Variants in EFR3A observed in about 807,000 individuals in gnomAD.
EFR3A encodes the protein protein EFR3 homolog A.
A neutral mutation model predicts 104.4 loss-of-function variants in EFR3A; 76 were observed. The observed-to-expected ratio is 0.73, with a 90% CI of 0.60 to 0.88. The LOEUF is 0.88. Among genes scored for constraint, EFR3A ranks in the 40% least tolerant of loss-of-function variants. EFR3A has a pLI of 0.00. For missense variants in EFR3A, 985 were observed against 1,012.5 expected (o/e 0.97, Z 0.37); for synonymous variants, 330 against 330.0 (o/e 1.00, Z 0.00).
intron 14 of EFR3A, among the ~76,000 whole-genome samples, chr8:131,981,829 A>G (rs543124992): frequency 3.2e-4 from 49 of 151,140 alleles, no homozygotes; most frequent in African/African-American, 1.1e-3. Context: ...CAGGGCTGGA[A>G]CCCCTTATAC....
chr8:131,997,267 T>C (rs1821543364), intron 19 of EFR3A, among the ~76,000 whole-genome samples: 1 of 152,134 alleles, frequency 6.6e-6, no homozygotes, highest in Non-Finnish European at 1.5e-5. Context: ...AAGTATTTTA[T>C]TATTTCTCAT....
intron 1 of EFR3A, among the ~76,000 whole-genome samples, chr8:131,914,630 C>G (rs1399037765): frequency 6.6e-6 from 1 of 152,006 alleles, no homozygotes; most frequent in Non-Finnish European, 1.5e-5. Flanking sequence ...TCAGCTGGAG[C>G]AGCTCTGTTT....
chr8:131,976,244 T>G, intron 11 of EFR3A, 103 bp downstream of exon 11: 2 of 750,378 alleles, frequency 2.7e-6, no homozygotes, highest in Non-Finnish European at 2.2e-6. Context: ...AAATCATTAG[T>G]AATAGCATTC....
At position 132,010,799 on chromosome 8, in the gene EFR3A, C is replaced by A. The variant is rs1423292791; in HGVS notation, c.2370C>A (p.Pro790=). Residue 790 remains proline (P), a synonymous_variant, in exon 23 of 23, where the codon CCC becomes CCA. Transcript: ENST00000254624. ...TTTTGTTCTTTTATAGTCCTCCTCC[C>A]AGTCCATCAGGAACACTGACCATTA... ...QILELTIRPP[P]SPSGTLTITS... is the part of the protein sequence containing the mutation. 7.4e-6 allele frequency: 12 copies of A among 1,612,094 alleles called. No individual in the cohort carries two copies. The highest frequency in any genetic ancestry group is 1.0e-5 in the Non-Finnish European group (12 of 1,178,668).
chr8:131,947,757 G>A (rs928919084), intron 4 of EFR3A, among the ~76,000 whole-genome samples: 7 of 151,970 alleles, frequency 4.6e-5, no homozygotes, highest in Non-Finnish European at 7.4e-5. Flanking sequence ...TCCACATTTT[G>A]CATGTGGATA....
chr8:131,984,277 A>G lies in EFR3A; in HGVS notation c.1714A>G (p.Ile572Val), dbSNP rs1187981307. The part of the protein sequence containing the change: ...LANEEVVIDL[I>V]RLAIALQDSA... Reference sequence around the variant, plus strand: ...TAATGAAGAAGTAGTTATTGATCTCATTCGACTGGCCATTGCTTTACAGGT... The same window carrying G: ...TAATGAAGAAGTAGTTATTGATCTCGTTCGACTGGCCATTGCTTTACAGGT... Residue 572 changes from isoleucine to valine, a missense_variant, in exon 15 of 23, where the codon ATT (isoleucine) becomes GTT (valine). Ile to Val is a conservative substitution (Grantham distance 29, BLOSUM62 3). Transcript: ENST00000254624. 4 of 1,599,038 alleles carry G rather than the reference A, an allele frequency of 2.5e-6. No homozygotes were observed. In the African/African-American group the frequency reaches 5.4e-5, roughly 22 times the overall value.
At chr8:132,008,086 A>G (rs766581685) in intron 22 of EFR3A, among the ~76,000 whole-genome samples, 4 of 152,070 alleles carry the variant, frequency 2.6e-5, no homozygotes, top group Non-Finnish European at 5.9e-5. Context: ...AAATTGGTAA[A>G]TTGGTCTTCA....
chr8:131,969,834 G>C (rs143436861), intron 9 of EFR3A, among the ~76,000 whole-genome samples: 1 of 152,112 alleles, frequency 6.6e-6, no homozygotes, highest in Non-Finnish European at 1.5e-5. Flanking sequence ...GGCTCTATAC[G>C]TTTGAAGAGG....
At chr8:131,971,460 G>A (rs4736525) in intron 10 of EFR3A, among the ~76,000 whole-genome samples, 61,206 of 151,896 alleles carry the variant, frequency 0.4, 12,877 homozygotes, top group Middle Eastern at 0.54. Context: ...AGGCTGAGGC[G>A]GGCGGATCAC....
intron 10 of EFR3A, among the ~76,000 whole-genome samples, chr8:131,970,863 T>C (rs1037672310): frequency 1.3e-5 from 2 of 152,192 alleles, no homozygotes; most frequent in African/African-American, 4.8e-5. Flanking sequence ...TGTTGACATT[T>C]TATGGCATTT....
At chr8:131,940,207 C>T in intron 1 of EFR3A, 1 of 324,390 alleles carries the variant, frequency 3.1e-6, no homozygotes, top group Admixed American at 4.2e-5. Flanking sequence ...GGGCAGATGA[C>T]ATCAGAAAGG....
intron 1 of EFR3A, among the ~76,000 whole-genome samples, chr8:131,929,178 C>CT (rs1817457595): frequency 6.6e-6 from 1 of 152,152 alleles, no homozygotes. Flanking sequence ...TGATATCCTC[C>CT]TTTTACCCCA....
rs745670232 is a variant in EFR3A, at chr8:132,003,217, AT to A, written c.2311-12del. On this transcript the variant is annotated intron_variant, in intron 21 of 22. Coordinates refer to ENST00000254624, the MANE Select transcript of EFR3A (RefSeq NM_015137.6). The stretch of plus-strand genomic sequence containing the variant: ...ACCTAGAAAATAAACCATTCTTAAC[AT>A]TTTTTTCTTTTTTGCAGGCAAATTT... The A allele has an allele frequency of 1.2e-6, 2 of 1,605,802 alleles. No homozygotes were observed. Among genetic ancestry groups the A allele is most frequent in the Non-Finnish European group, 1.7e-6 (2 of 1,173,494 alleles).
At chr8:132,002,230 T>C (rs966249844) in intron 20 of EFR3A, among the ~76,000 whole-genome samples, 1 of 152,154 alleles carries the variant, frequency 6.6e-6, no homozygotes. Flanking sequence ...ATATTTTATG[T>C]AGTACCTCGT....
intron 1 of EFR3A, among the ~76,000 whole-genome samples, chr8:131,912,308 A>G (rs1218255807): frequency 6.6e-6 from 1 of 152,214 alleles, no homozygotes; most frequent in Non-Finnish European, 1.5e-5. Flanking sequence ...GATAGAAACC[A>G]TGGCTAACAG....
At chr8:131,983,173 G>C (rs1454902226) in intron 14 of EFR3A, among the ~76,000 whole-genome samples, 6 of 152,178 alleles carry the variant, frequency 3.9e-5, no homozygotes, top group Admixed American at 1.3e-4. Context: ...TGAGAAACAG[G>C]CTTGGAATAT....
At chr8:131,933,684 A>T (rs1489920607) in intron 1 of EFR3A, among the ~76,000 whole-genome samples, 1 of 152,122 alleles carries the variant, frequency 6.6e-6, no homozygotes, top group Non-Finnish European at 1.5e-5. Context: ...AGTCTACAAC[A>T]TGATTACTAA....
rs1287860509 is a variant in EFR3A at position 131,976,107 on chromosome 8, A to G, written c.1240A>G (p.Thr414Ala). The G allele has an allele frequency of 6.2e-7, 1 of 1,602,592 alleles. No individual in the cohort carries two copies. Among genetic ancestry groups the G allele is most frequent in the Non-Finnish European group, 8.5e-7 (1 of 1,173,424 alleles). The change falls in exon 11 of 23, where the codon ACA (threonine) becomes GCA (alanine). Residue 414 changes from threonine to alanine, a missense_variant. By Grantham distance (58) the Thr-to-Ala change is moderately conservative. Coordinates refer to ENST00000254624, the MANE Select transcript of EFR3A (RefSeq NM_015137.6). ...TATGGGGAAAGTACCTGTCTTTGGA[A>G]CATCTACCCATACTTTGGATATCAG... ...FIMGKVPVFGTSTHTLDISQL... is the reference protein window; with the variant it reads ...FIMGKVPVFGASTHTLDISQL...
Position 131,985,027 on chromosome 8 carries a change from A to G in EFR3A, c.1836A>G (p.Ile612Met). Reference protein sequence around the residue: ...AAYLNFVSQMIAVPAFCQHVS... With the variant: ...AAYLNFVSQMMAVPAFCQHVS... ...ACCTCAACTTTGTAAGTCAGATGAT[A>G]GCTGTCCCTGCATTTTGCCAGCATG... The change falls in exon 16 of 23, where the codon ATA becomes ATG. Residue 612 changes from isoleucine to methionine, a missense_variant. Ile to Met is a conservative substitution (Grantham distance 10). Transcript: ENST00000254624. 6.2e-7 allele frequency: 1 copy of G among 1,613,660 alleles called. No homozygotes were observed. The highest frequency in any genetic ancestry group is 8.5e-7 in the Non-Finnish European group (1 of 1,179,630).
Sources: allele counts gnomAD v4.1 joint callset (sites outside exome capture counted in the v4.1 genomes callset), GRCh38; gene constraint gnomAD v4.1.1; transcripts MANE v1.5; gene names NCBI Gene and HGNC (gene_info 2026-07-23, HGNC 2026-07-21).